SAMMSON: variants seen among roughly 807,000 people sequenced by gnomAD.
SAMMSON encodes the protein long intergenic non-protein coding RNA 1212.
At chr3:70,149,475 A>G (rs2067562852) in intron 4 of SAMMSON, among the ~76,000 whole-genome samples, 2 of 152,038 alleles carry the variant, frequency 1.3e-5, no homozygotes, top group African/African-American at 4.8e-5. Context: ...TAAAGATGCA[A>G]ATTATCAGGA....
intron 1 of SAMMSON, among the ~76,000 whole-genome samples, chr3:70,005,146 A>C (rs2066921837): frequency 6.6e-6 from 1 of 152,148 alleles, no homozygotes; most frequent in African/African-American, 2.4e-5. Flanking sequence ...GGCCAATAGA[A>C]ATTCACTCCT....
At chr3:70,421,208 A>G (rs966328819) in intron 2 of SAMMSON, among the ~76,000 whole-genome samples, 2 of 152,158 alleles carry the variant, frequency 1.3e-5, no homozygotes, top group South Asian at 2.1e-4. Context: ...TATGCTAGCT[A>G]TGCTAGCTGA....
At chr3:70,070,054 A>T (rs2067224226) in intron 3 of SAMMSON, 1 of 152,094 alleles carries the variant, frequency 6.6e-6, no homozygotes, top group Admixed American at 6.6e-5. Context: ...GTGAGAATCT[A>T]TTCCATTCCT....
chr3:70,331,881 A>G (rs1474563497), intron 7 of SAMMSON, among the ~76,000 whole-genome samples: 2 of 152,240 alleles, frequency 1.3e-5, no homozygotes, highest in Admixed American at 1.3e-4. Context: ...ATGGAACAAA[A>G]TGGCATTAGT....
At chr3:70,151,837 A>G (rs1283612740) in intron 4 of SAMMSON, among the ~76,000 whole-genome samples, 1 of 151,894 alleles carries the variant, frequency 6.6e-6, no homozygotes, top group Non-Finnish European at 1.5e-5. Context: ...TTTGACTTTG[A>G]GTACATAAGT....
At chr3:70,024,785 A>G (rs569834449) in intron 3 of SAMMSON, 8 of 152,220 alleles carry the variant, frequency 5.3e-5, no homozygotes, top group Non-Finnish European at 1.2e-4. Flanking sequence ...GAGAATCTAA[A>G]CTGAATAATC....
downstream of SAMMSON, among the ~76,000 whole-genome samples, chr3:70,393,248 C>A (rs776962358): frequency 6.6e-6 from 1 of 152,162 alleles, no homozygotes; most frequent in Non-Finnish European, 1.5e-5. Flanking sequence ...ATTCACATCA[C>A]AAAACTCAAC....
chr3:70,261,688 T>C (rs1441467453), intron 6 of SAMMSON, among the ~76,000 whole-genome samples: 2 of 152,154 alleles, frequency 1.3e-5, no homozygotes, highest in Non-Finnish European at 2.9e-5. Context: ...GAAAACAGAA[T>C]GCCAAGTTAT....
intron 4 of SAMMSON, among the ~76,000 whole-genome samples, chr3:70,164,183 G>A (rs576160210): frequency 6.6e-6 from 1 of 152,018 alleles, no homozygotes. Context: ...CTGAGATTCT[G>A]ATGCAGGCAG....
At chr3:70,254,756 A>T (rs1701799298) in intron 6 of SAMMSON, among the ~76,000 whole-genome samples, 1 of 152,208 alleles carries the variant, frequency 6.6e-6, no homozygotes, top group Non-Finnish European at 1.5e-5. Context: ...GAGATATTCT[A>T]TCACCTCTCC....
intron 4 of SAMMSON, among the ~76,000 whole-genome samples, chr3:70,178,381 T>C (rs1023008206): frequency 4.6e-5 from 7 of 152,200 alleles, no homozygotes; most frequent in African/African-American, 1.7e-4. Context: ...CTGGAAATCC[T>C]GTTAAAGGAC....
chr3:70,194,006 T>C lies in SAMMSON; in HGVS notation n.508-55101T>C, dbSNP rs78332630. On this transcript the variant is annotated intron_variant and non_coding_transcript_variant, in intron 4 of 9. Transcript: ENST00000642114. ...GATTGTCCAGCATTGATAATTAATTTTGTAGGCCTATCAGCTTATGTAGTG... is the reference window on the plus strand; with the variant it reads ...GATTGTCCAGCATTGATAATTAATTCTGTAGGCCTATCAGCTTATGTAGTG... Among the ~76,000 whole-genome samples the C allele has an allele frequency of 6.3e-3, 967 of 152,328 alleles. 7 individuals carry two copies. Among genetic ancestry groups the C allele is most frequent in the South Asian group, 0.018 (85 of 4,828 alleles).
intron 4 of SAMMSON, among the ~76,000 whole-genome samples, chr3:70,214,205 A>G (rs1365906747): frequency 6.6e-6 from 1 of 152,124 alleles, no homozygotes; most frequent in Non-Finnish European, 1.5e-5. Context: ...TAAGATACAT[A>G]TATTTGACAT....
chr3:70,290,319 G>A (rs1206033625), intron 6 of SAMMSON, among the ~76,000 whole-genome samples: 1 of 150,138 alleles, frequency 6.7e-6, no homozygotes, highest in Non-Finnish European at 1.5e-5. Context: ...GTACCCTGCA[G>A]TGTAAGGTGT....
chr3:70,106,575 A>G (rs1453281936), intron 4 of SAMMSON, among the ~76,000 whole-genome samples: 1 of 151,320 alleles, frequency 6.6e-6, no homozygotes, highest in Admixed American at 6.6e-5. Flanking sequence ...CCTGGCCTCA[A>G]CCTATCCTCC....
chr3:70,256,537 T>C (rs1701818067), intron 6 of SAMMSON, among the ~76,000 whole-genome samples: 1 of 152,220 alleles, frequency 6.6e-6, no homozygotes, highest in Non-Finnish European at 1.5e-5. Flanking sequence ...GAAACCCTAG[T>C]GACTTTAAAG....
At chr3:70,408,961 G>T (rs938677192) in intron 2 of SAMMSON, among the ~76,000 whole-genome samples, 1 of 152,168 alleles carries the variant, frequency 6.6e-6, no homozygotes, top group Admixed American at 6.5e-5. Flanking sequence ...TTCTTACATG[G>T]TGGTGGCAAG....
At chr3:70,319,133 C>T (rs1464442472) in intron 7 of SAMMSON, among the ~76,000 whole-genome samples, 1 of 152,046 alleles carries the variant, frequency 6.6e-6, no homozygotes, top group African/African-American at 2.4e-5. Flanking sequence ...AACCCTGTCT[C>T]TTCTCTACAT....
At chr3:70,187,246 A>T (rs1400114880) in intron 4 of SAMMSON, among the ~76,000 whole-genome samples, 6 of 152,072 alleles carry the variant, frequency 3.9e-5, no homozygotes, top group Non-Finnish European at 8.8e-5. Flanking sequence ...GGTGCCTTTT[A>T]TGGTTTCATC....
Sources: allele counts gnomAD v4.1 joint callset (sites outside exome capture counted in the v4.1 genomes callset), GRCh38; gene constraint gnomAD v4.1.1; transcripts MANE v1.5; gene names NCBI Gene and HGNC (gene_info 2026-07-23, HGNC 2026-07-21).